PDE4D: variants seen among roughly 807,000 people sequenced by gnomAD.
PDE4D encodes 3',5'-cyclic-AMP phosphodiesterase 4D.
PDE4D carries 24 observed loss-of-function variants against 87.4 expected under a neutral mutation model. The observed-to-expected ratio is 0.27, with a 90% CI of 0.20 to 0.39. The LOEUF is 0.39. PDE4D is among the 10% of genes least tolerant of loss of function. PDE4D has a pLI of 1.00. For synonymous variants in PDE4D, 384 were observed against 383.2 expected (o/e 1.00, Z -0.02); for missense variants, 714 against 1,041.0 (o/e 0.69, Z 4.32).
chr5:59,316,919 A>C (rs1184286484), intron 1 of PDE4D, among the ~76,000 whole-genome samples: 1 of 152,162 alleles, frequency 6.6e-6, no homozygotes, highest in Non-Finnish European at 1.5e-5. Flanking sequence ...CTTCACTCCA[A>C]AACCTGCCAG....
chr5:59,242,545 C>A (rs977408395), intron 1 of PDE4D, among the ~76,000 whole-genome samples: 1 of 152,058 alleles, frequency 6.6e-6, no homozygotes, highest in African/African-American at 2.4e-5. Context: ...GACAGCAGGA[C>A]AAATTGCAAT....
At chr5:59,433,133 TG>T (rs61087388) in intron 1 of PDE4D, among the ~76,000 whole-genome samples, 11,178 of 152,076 alleles carry the variant, frequency 0.074, 1,334 homozygotes, top group African/African-American at 0.26. Flanking sequence ...CATTTTCACA[TG>T]CCAGCTAATT....
intron 1 of PDE4D, among the ~76,000 whole-genome samples, chr5:60,483,621 A>G (rs1253593907): frequency 6.6e-6 from 1 of 152,192 alleles, no homozygotes; most frequent in Admixed American, 6.5e-5. Flanking sequence ...TTATTTCACT[A>G]TAGTTTTAAA....
At chr5:60,403,225 C>T (rs1156969892) in intron 1 of PDE4D, among the ~76,000 whole-genome samples, 1 of 152,168 alleles carries the variant, frequency 6.6e-6, no homozygotes, top group African/African-American at 2.4e-5. Context: ...TGTTCCTTCT[C>T]TAAAGTAATA....
In PDE4D at chr5:59,893,518, G is replaced by T. The variant is rs995039096; in HGVS notation, c.105C>A (p.His35Gln). The T allele has an allele frequency of 2.6e-6, 4 of 1,541,650 alleles. No individual in the cohort carries two copies. In the Admixed American group the frequency reaches 6.0e-5, roughly 23 times the overall value. The change falls in exon 1 of 15, where the codon CAC becomes CAA. Residue 35 changes from histidine (H) to glutamine (Q), a missense_variant. Physicochemically the swap from His to Gln is conservative, Grantham distance 24 (BLOSUM62 0). This residue lies in a region of PDE4D where 268 missense variants were observed against 272.9 expected (regional missense o/e 0.98). Transcript: ENST00000340635. ...TLKAPKHLWR[H>Q]EQHHQYPLRQ... ...GGAGCGGGTACTGGTGGTGCTGCTC[G>T]TGCCTCCAGAGATGCTTGGGGGCTT...
At chr5:60,250,033 T>C (rs1748247439) in intron 1 of PDE4D, among the ~76,000 whole-genome samples, 1 of 152,018 alleles carries the variant, frequency 6.6e-6, no homozygotes, top group Admixed American at 6.6e-5. Flanking sequence ...TGTCAAGGTT[T>C]CTCACAGTGC....
rs1274365741 is a variant in PDE4D at position 59,150,605 on chromosome 5, G to C, written c.808+29990C>G. Among the ~76,000 whole-genome samples the C allele has an allele frequency of 3.3e-5, 5 of 152,248 alleles. No homozygotes were observed. The East Asian group carries it at 9.7e-4, about 29-fold the overall frequency. On this transcript the variant is annotated intron_variant, in intron 5 of 14. Coordinates refer to ENST00000340635, the MANE Select transcript of PDE4D (RefSeq NM_001104631.2). ...TTTGATTAGGGCCTGGCACATGGAA[G>C]ACTCTCAAAAAAGTATTGTTTAAAA...
chr5:60,001,413 G>A (rs1358924285), intron 2 of PDE4D, among the ~76,000 whole-genome samples: 2 of 152,198 alleles, frequency 1.3e-5, no homozygotes, highest in Non-Finnish European at 2.9e-5. Context: ...TTAGCCTTCA[G>A]AAATGGAGAG....
intron 1 of PDE4D, among the ~76,000 whole-genome samples, chr5:59,470,914 C>T (rs1802341987): frequency 6.6e-6 from 1 of 151,848 alleles, no homozygotes; most frequent in Non-Finnish European, 1.5e-5. Context: ...GTGAACTGAC[C>T]TCAAAGTTAA....
intron 1 of PDE4D, among the ~76,000 whole-genome samples, chr5:60,412,101 G>A (rs1287257440): frequency 6.6e-6 from 1 of 152,030 alleles, no homozygotes; most frequent in Non-Finnish European, 1.5e-5. Context: ...CTTTTCTTGA[G>A]GTTTTCTCCA....
chr5:59,208,623 T>C (rs879828118), intron 2 of PDE4D, among the ~76,000 whole-genome samples: 1 of 142,682 alleles, frequency 7.0e-6, no homozygotes, highest in South Asian at 2.6e-4. Context: ...TTCATTTTTA[T>C]GATTTTTTTG....
At chr5:59,020,665 A>G (rs1167604408) in intron 6 of PDE4D, among the ~76,000 whole-genome samples, 1 of 146,522 alleles carries the variant, frequency 6.8e-6, no homozygotes, top group African/African-American at 2.5e-5. Flanking sequence ...GGCTTCTGGA[A>G]TTTTTTTTTT....
At chr5:60,374,506 T>C (rs1761281174) in intron 1 of PDE4D, among the ~76,000 whole-genome samples, 1 of 152,102 alleles carries the variant, frequency 6.6e-6, no homozygotes. Flanking sequence ...GGTCTGAGAG[T>C]AATCCTGAAC....
At chr5:59,062,197 A>T (rs1763229651) in intron 5 of PDE4D, among the ~76,000 whole-genome samples, 1 of 152,170 alleles carries the variant, frequency 6.6e-6, no homozygotes, top group Admixed American at 6.6e-5. Flanking sequence ...GCTAGCTATA[A>T]TAGCATGGAT....
chr5:59,006,572 A>ACAG (rs1417289312), intron 6 of PDE4D, among the ~76,000 whole-genome samples: 8 of 151,376 alleles, frequency 5.3e-5, no homozygotes, highest in African/African-American at 1.9e-4. Flanking sequence ...ACAGAGCAAG[A>ACAG]CCTTGTCTCA....
At chr5:60,243,034 T>A (rs1440370059) in intron 1 of PDE4D, among the ~76,000 whole-genome samples, 1 of 151,654 alleles carries the variant, frequency 6.6e-6, no homozygotes, top group Non-Finnish European at 1.5e-5. Flanking sequence ...AAAAGATCCA[T>A]TAAAAAGTTT....
chr5:59,095,187 A>G (rs1273494465), intron 5 of PDE4D, among the ~76,000 whole-genome samples: 1 of 151,692 alleles, frequency 6.6e-6, no homozygotes, highest in African/African-American at 2.4e-5. Context: ...TTTTGCTATC[A>G]ACTAATGACC....
Position 60,278,217 on chromosome 5 carries a change from A to AT in PDE4D, c.-89-92531dup, listed in dbSNP as rs142333464. On this transcript the variant is annotated intron_variant, in intron 1 of 16. Transcript: ENST00000502484. ...GGTCACAATTCTTATCTTTCAGCAC[A>AT]TAAAAAAAAATGTGTGTCACTTCTT... Among the ~76,000 whole-genome samples, 976 of 152,064 alleles carry AT rather than the reference A, an allele frequency of 6.4e-3. 6 individuals are homozygous for AT. The highest frequency in any genetic ancestry group is 0.023 in the African/African-American group (931 of 41,366).
chr5:59,549,275 C>T (rs294485), intron 1 of PDE4D, among the ~76,000 whole-genome samples: 123,206 of 152,124 alleles, frequency 0.81, 50,001 homozygotes, highest in South Asian at 0.91. Context: ...GTTAAGTGTT[C>T]AACAGCAAAT....
Sources: gnomAD v4.1 joint callset for allele counts (sites outside exome capture counted in the v4.1 genomes callset) on GRCh38, gnomAD v4.1.1 for gene constraint, gnomAD v4.1.1 regional missense constraint, MANE v1.5 for transcripts, NCBI Gene and HGNC (gene_info 2026-07-23, HGNC 2026-07-21) for gene names.